WDR7: variants seen among roughly 807,000 people sequenced by gnomAD.
WDR7 encodes WD repeat-containing protein 7.
In WDR7, 46 loss-of-function variants were observed where a neutral mutation model predicts 169.4. That is an observed-to-expected ratio of 0.27 (90% CI 0.21 to 0.35). The LOEUF (loss-of-function observed/expected upper bound fraction) is 0.35. WDR7 is among the 10% of genes least tolerant of loss of function. The probability of loss-of-function intolerance (pLI) is 1.00; values close to 1 mark genes in which losing one functional copy is unlikely to be tolerated. For synonymous variants in WDR7, 612 were observed against 666.8 expected, an observed-to-expected ratio of 0.92 and a Z score of 1.27; for missense variants, 1,534 against 1,859.3, an observed-to-expected ratio of 0.83 and a Z score of 3.22.
chr18:57,024,438 A>C (rs1202689654), intron 27 of WDR7, among the ~76,000 whole-genome samples: 1 of 152,166 alleles, frequency 6.6e-6, no homozygotes, highest in East Asian at 1.9e-4. Context: ...GTCATAGGGA[A>C]AGGATGATCT....
intron 19 of WDR7, among the ~76,000 whole-genome samples, chr18:56,797,935 T>C (rs1481621225): frequency 6.6e-6 from 1 of 152,200 alleles, no homozygotes; most frequent in African/African-American, 2.4e-5. Context: ...ACCTATCATC[T>C]TTACCTGTAA....
intron 19 of WDR7, among the ~76,000 whole-genome samples, chr18:56,797,409 T>C (rs1884261491): frequency 6.6e-6 from 1 of 152,156 alleles, no homozygotes; most frequent in Admixed American, 6.5e-5. Context: ...GGAAAACTTA[T>C]CTCTAATTCT....
chr18:56,684,426 A>G (rs688463), intron 5 of WDR7, among the ~76,000 whole-genome samples: 144,290 of 152,246 alleles, frequency 0.95, 68,848 homozygotes, highest in East Asian at 1. Context: ...TAGCACAAAA[A>G]CAGCCGCAGA....
rs369233012 is a variant in WDR7 at position 56,826,783 on chromosome 18, C to G, written c.3304+10639C>G. On this transcript the variant is annotated intron_variant, in intron 20 of 27. Transcript: ENST00000254442. ...GCTACTCTTTCTTTGTTTACCCTTT[C>G]TGTAAATGTATTTTTTCAGTGTGGT... Among the ~76,000 whole-genome samples, 9 of 152,288 alleles carry G rather than the reference C, an allele frequency of 5.9e-5. No homozygotes were observed. The South Asian group carries it at 1.7e-3, about 28-fold the overall frequency.
chr18:56,656,721 C>T (rs1395647831), intron 1 of WDR7, among the ~76,000 whole-genome samples: 1 of 151,898 alleles, frequency 6.6e-6, no homozygotes, highest in Admixed American at 6.6e-5. Flanking sequence ...AAGTTTGGCT[C>T]AGCTATTTAT....
chr18:56,777,489 T>C (rs1318663363), intron 17 of WDR7, among the ~76,000 whole-genome samples: 1 of 152,158 alleles, frequency 6.6e-6, no homozygotes, highest in Admixed American at 6.6e-5. Flanking sequence ...TCGAAAGTAT[T>C]TTTGGAGCCC....
chr18:57,010,333 ATTCTT>A (rs1321942535), intron 26 of WDR7: 183 of 972,070 alleles, frequency 1.9e-4, no homozygotes, highest in Non-Finnish European at 2.1e-4. Context: ...TTTATTCACT[ATTCTT>A]TTATTTAAAA....
rs1472533508 is a variant in WDR7 at position 57,020,728 on chromosome 18, T to C, written c.4165-17T>C. ...TGTGAAATGCTTATCATTCATGATA[T>C]CTGAATTTTATTTTAGACAATCCAT... On this transcript the variant is annotated splice_polypyrimidine_tract_variant and intron_variant, in intron 26 of 27. Coordinates refer to ENST00000254442, the MANE Select transcript of WDR7 (RefSeq NM_015285.3). 4 of 1,610,546 alleles carry C rather than the reference T, an allele frequency of 2.5e-6. No individual in the cohort carries two copies. Among genetic ancestry groups the C allele is most frequent in the Middle Eastern group, 1.6e-4 (1 of 6,070 alleles).
At chr18:56,975,973 C>T (rs2047559076) in intron 26 of WDR7, among the ~76,000 whole-genome samples, 1 of 152,132 alleles carries the variant, frequency 6.6e-6, no homozygotes, top group Non-Finnish European at 1.5e-5. Flanking sequence ...CTGCTGAATG[C>T]CTGGCGTTAC....
intron 13 of WDR7, among the ~76,000 whole-genome samples, chr18:56,723,776 C>A (rs2026375563): frequency 6.6e-6 from 1 of 151,942 alleles, no homozygotes; most frequent in South Asian, 2.1e-4. Context: ...AATATATTTT[C>A]TCCCCTCCAT....
chr18:56,839,236 T>G (rs1156315149), intron 20 of WDR7, among the ~76,000 whole-genome samples: 1 of 152,100 alleles, frequency 6.6e-6, no homozygotes, highest in Non-Finnish European at 1.5e-5. Context: ...CATAAATTAT[T>G]TGTATTATGG....
intron 26 of WDR7, among the ~76,000 whole-genome samples, chr18:56,982,023 A>G (rs1167219336): frequency 6.6e-6 from 1 of 151,940 alleles, no homozygotes; most frequent in Non-Finnish European, 1.5e-5. Context: ...TACTCCGCAC[A>G]TTGTATACTG....
chr18:56,874,492 A>G (rs2145455980), intron 20 of WDR7, among the ~76,000 whole-genome samples: 1 of 152,128 alleles, frequency 6.6e-6, no homozygotes, highest in Non-Finnish European at 1.5e-5. Flanking sequence ...TTAATTATTA[A>G]TTTAAAATAT....
chr18:57,017,306 C>G (rs543966031), intron 26 of WDR7, among the ~76,000 whole-genome samples: 32 of 152,326 alleles, frequency 2.1e-4, no homozygotes, highest in African/African-American at 7.7e-4. Flanking sequence ...GCGGTGCTTG[C>G]TCTTACGAGA....
intron 19 of WDR7, among the ~76,000 whole-genome samples, chr18:56,802,829 T>G (rs2044701402): frequency 6.6e-6 from 1 of 152,072 alleles, no homozygotes; most frequent in Non-Finnish European, 1.5e-5. Context: ...GTCCAATTAG[T>G]TTTTCTTTTA....
intron 20 of WDR7, among the ~76,000 whole-genome samples, chr18:56,820,000 G>A (rs561643768): frequency 5.1e-4 from 77 of 152,054 alleles, no homozygotes; most frequent in African/African-American, 1.7e-3. Context: ...TAAAGCTGAC[G>A]TACATAGAAG....
chr18:56,764,524 A>G (rs1034629037), intron 16 of WDR7, among the ~76,000 whole-genome samples: 2 of 152,142 alleles, frequency 1.3e-5, no homozygotes, highest in Non-Finnish European at 2.9e-5. Flanking sequence ...ATGACCTCAT[A>G]TATGTATCAT....
chr18:56,813,191 A>C (rs1275559599), intron 19 of WDR7, among the ~76,000 whole-genome samples: 1 of 140,938 alleles, frequency 7.1e-6, no homozygotes, highest in African/African-American at 2.9e-5. Context: ...AAAAAAAAAA[A>C]ACATTAAAAA....
At chr18:56,918,537 G>A (rs1426510328) in intron 21 of WDR7, among the ~76,000 whole-genome samples, 1 of 151,908 alleles carries the variant, frequency 6.6e-6, no homozygotes, top group Admixed American at 6.6e-5. Flanking sequence ...AAACATTAGA[G>A]AATACCACTC....
Sources: allele counts gnomAD v4.1 joint callset (sites outside exome capture counted in the v4.1 genomes callset), GRCh38; gene constraint gnomAD v4.1.1; transcripts MANE v1.5; gene names NCBI Gene and HGNC (gene_info 2026-07-23, HGNC 2026-07-21).